TEX36: variants seen among roughly 807,000 people sequenced by gnomAD.
TEX36 encodes testis-expressed protein 36.
In TEX36, 12 loss-of-function variants were observed where a neutral mutation model predicts 13.6. The observed-to-expected ratio is 0.88, with a 90% confidence interval of 0.56 to 1.43. The LOEUF (loss-of-function observed/expected upper bound fraction) is 1.43, where lower values mean the gene tolerates loss of function less well. TEX36 is among the 40% of genes most tolerant of loss of function. The probability of loss-of-function intolerance (pLI) is 0.00; values close to 1 mark genes in which losing one functional copy is unlikely to be tolerated. For synonymous variants in TEX36, 93 were observed against 83.0 expected (o/e 1.12, Z -0.65); for missense variants, 224 against 228.3 (o/e 0.98, Z 0.12).
chr10:125,650,064 C>A (rs913237499), intron 3 of TEX36, among the ~76,000 whole-genome samples: 1 of 152,176 alleles, frequency 6.6e-6, no homozygotes, highest in African/African-American at 2.4e-5. Context: ...TGTAACACCC[C>A]ACTGTCAACA....
chr10:125,634,118 C>T (rs1406036505), intron 3 of TEX36, among the ~76,000 whole-genome samples: 3 of 152,076 alleles, frequency 2.0e-5, no homozygotes, highest in Non-Finnish European at 4.4e-5. Flanking sequence ...TTTGTATATT[C>T]ATTTAAGGGA....
chr10:125,587,382 T>A (rs545965767), intron 3 of TEX36, among the ~76,000 whole-genome samples: 14 of 152,320 alleles, frequency 9.2e-5, no homozygotes, highest in African/African-American at 3.4e-4. Flanking sequence ...TAAAGGTTAT[T>A]AAACTTACAC....
intron 3 of TEX36, among the ~76,000 whole-genome samples, chr10:125,599,731 T>G (rs1325383191): frequency 6.6e-6 from 1 of 152,238 alleles, no homozygotes; most frequent in Non-Finnish European, 1.5e-5. Context: ...CCCTTTGTAT[T>G]GTATTTGTGC....
chr10:125,602,335 G>A (rs1341452489), intron 3 of TEX36, among the ~76,000 whole-genome samples: 1 of 152,160 alleles, frequency 6.6e-6, no homozygotes, highest in Non-Finnish European at 1.5e-5. Flanking sequence ...TAAAGCCATA[G>A]ATGGGAAAGC....
downstream of TEX36, among the ~76,000 whole-genome samples, chr10:125,617,053 CT>C (rs1267958077): frequency 1.3e-5 from 2 of 152,138 alleles, no homozygotes; most frequent in Non-Finnish European, 2.9e-5. Context: ...CCTTCTTTGT[CT>C]CTTTTGATCT....
rs370576378 is a variant in TEX36 at position 125,600,613 on chromosome 10, C to T, written c.265-23739G>A. On this transcript the variant is annotated intron_variant, in intron 3 of 3. Coordinates refer to the TEX36 transcript ENST00000532135. ...TACATTTGTGGAAAGTGAGGACCAC[C>T]GCAGTCAAGTCACTTGCTGAGGACC... is the stretch of plus-strand genomic sequence containing the variant. 1.8e-4 allele frequency among the ~76,000 whole-genome samples: 28 copies of T among 152,224 alleles called. No individual in the cohort carries two copies. In the East Asian group the frequency reaches 2.5e-3, roughly 14 times the overall value.
downstream of TEX36, among the ~76,000 whole-genome samples, chr10:125,652,658 C>T (rs1211200562): frequency 6.6e-6 from 1 of 152,150 alleles, no homozygotes; most frequent in Non-Finnish European, 1.5e-5. Context: ...AACTAAAGAG[C>T]TTCTGCACAA....
intron 3 of TEX36, among the ~76,000 whole-genome samples, chr10:125,649,835 G>A (rs1363495182): frequency 6.6e-6 from 1 of 152,122 alleles, no homozygotes; most frequent in African/African-American, 2.4e-5. Flanking sequence ...AAAAAAAGCA[G>A]GGGTTGCAAT....
chr10:125,679,673 T>C (rs999812492), intron 1 of TEX36, among the ~76,000 whole-genome samples: 5 of 152,222 alleles, frequency 3.3e-5, no homozygotes, highest in African/African-American at 1.2e-4. Flanking sequence ...GGCTGCCTTT[T>C]TCCTTTCTCT....
chr10:125,590,899 A>C (rs1846014012), intron 3 of TEX36, among the ~76,000 whole-genome samples: 1 of 152,196 alleles, frequency 6.6e-6, no homozygotes, highest in Admixed American at 6.5e-5. Context: ...GGGCTCCAAA[A>C]GTTGTTCTGT....
intron 3 of TEX36, among the ~76,000 whole-genome samples, chr10:125,645,951 C>A (rs182931244): frequency 2.6e-5 from 4 of 152,178 alleles, no homozygotes; most frequent in Admixed American, 2.0e-4. Flanking sequence ...GACCACAATG[C>A]AGAAATTAAT....
chr10:125,600,261 A>G (rs1846129659), intron 3 of TEX36, among the ~76,000 whole-genome samples: 2 of 152,274 alleles, frequency 1.3e-5, no homozygotes, highest in South Asian at 4.1e-4. Flanking sequence ...ATGAATCACA[A>G]GTTGATGTAG....
At chr10:125,595,019 G>A (rs747254634) in intron 3 of TEX36, among the ~76,000 whole-genome samples, 8 of 152,158 alleles carry the variant, frequency 5.3e-5, no homozygotes, top group Non-Finnish European at 1.0e-4. Flanking sequence ...TATAACTATA[G>A]TCACAATTAA....
chr10:125,589,125 C>T (rs1277961440), intron 3 of TEX36, among the ~76,000 whole-genome samples: 1 of 152,200 alleles, frequency 6.6e-6, no homozygotes, highest in Non-Finnish European at 1.5e-5. Flanking sequence ...TGTTTAAAAA[C>T]CATCTCTATT....
At chr10:125,611,707 A>C (rs1589753903) in intron 3 of TEX36, among the ~76,000 whole-genome samples, 1 of 152,016 alleles carries the variant, frequency 6.6e-6, no homozygotes, top group Admixed American at 6.6e-5. Flanking sequence ...AATGAGCAGA[A>C]GCTTTAAATG....
rs936804589 is a variant in TEX36 at position 125,630,490 on chromosome 10, A to G, written c.265-8845T>C. ...TGCAAGGATGAATGTTCTGAGAGAG[A>G]GAATACTAGGCAAAAGCTCTATTCG... On this transcript the variant is annotated intron_variant, in intron 3 of 3. Transcript: ENST00000526819. 2.6e-5 allele frequency among the ~76,000 whole-genome samples: 4 copies of G among 152,180 alleles called. No individual in the cohort carries two copies. The South Asian group carries it at 6.2e-4, about 24-fold the overall frequency.
At chr10:125,615,309 C>G (rs1298661311) in intron 3 of TEX36, among the ~76,000 whole-genome samples, 1 of 152,068 alleles carries the variant, frequency 6.6e-6, no homozygotes, top group Non-Finnish European at 1.5e-5. Flanking sequence ...GCCAGAACTT[C>G]CAACACTATG....
rs7072444 is a variant in TEX36 at position 125,606,220 on chromosome 10, A to G, written c.265-29346T>C. Among the ~76,000 whole-genome samples the G allele has an allele frequency of 1.5e-3, 235 of 152,324 alleles. 2 individuals are homozygous for G. The highest frequency in any genetic ancestry group is 5.3e-3 in the African/African-American group (219 of 41,568). ...CCCTTGTAGGATTTATTTTTTCCCT[A>G]TAGTGAAATGTATTCAAGAACGACA... On this transcript the variant is annotated intron_variant, in intron 3 of 3. Transcript: ENST00000532135.
chr10:125,609,648 C>T (rs1846266584), intron 3 of TEX36, among the ~76,000 whole-genome samples: 1 of 152,204 alleles, frequency 6.6e-6, no homozygotes, highest in South Asian at 2.1e-4. Flanking sequence ...GAAGAGAGAA[C>T]TTTGCCCCTC....
Sources: gnomAD v4.1 joint callset for allele counts (sites outside exome capture counted in the v4.1 genomes callset) on GRCh38, gnomAD v4.1.1 for gene constraint, MANE v1.5 for transcripts, NCBI Gene and HGNC (gene_info 2026-07-23, HGNC 2026-07-21) for gene names.